TRAIP: variants seen among roughly 807,000 people sequenced by gnomAD.
TRAIP encodes TRAF interacting protein.
In TRAIP, 37 loss-of-function variants were observed where a neutral mutation model predicts 65.0. That is an observed-to-expected ratio of 0.57 (90% confidence interval 0.44 to 0.75). The LOEUF is 0.75. TRAIP is among the 30% of genes least tolerant of loss of function. The pLI is 0.00. For synonymous variants in TRAIP, 187 were observed against 219.1 expected, an observed-to-expected ratio of 0.85 and a Z score of 1.29; for missense variants, 481 against 579.4, an observed-to-expected ratio of 0.83 and a Z score of 1.74.
chr3:49,837,168 G>C (rs925964790), intron 10 of TRAIP, among the ~76,000 whole-genome samples: 1 of 152,082 alleles, frequency 6.6e-6, no homozygotes, highest in African/African-American at 2.4e-5. Flanking sequence ...TAGAGGCAGA[G>C]TCTTTGAGGT....
Position 49,848,177 on chromosome 3 carries a change from G to A in TRAIP, c.122C>T (p.Ala41Val). The A allele has an allele frequency of 6.2e-7, 1 of 1,614,224 alleles. No individual in the cohort carries two copies. Residue 41 changes from alanine (A) to valine (V), a missense_variant, in exon 2 of 15, where the codon GCA (alanine) becomes GTA (valine). Physicochemically the swap from Ala to Val is moderately conservative, Grantham distance 64. Coordinates refer to ENST00000331456, the MANE Select transcript of TRAIP (RefSeq NM_005879.3). ...LQCLIQWFET[A>V]PSRTCPQCRI... ...GCACTGTGGGCAGGTCCGACTTGGT[G>A]CTGTCTCAAACCACTGAATTAGGCT... is the stretch of plus-strand genomic sequence containing the variant.
intron 11 of TRAIP, among the ~76,000 whole-genome samples, chr3:49,830,303 C>T (rs2081721089): frequency 6.6e-6 from 1 of 152,172 alleles, no homozygotes; most frequent in Non-Finnish European, 1.5e-5. Flanking sequence ...GACCATGTCC[C>T]AATCCTGTGG....
At chr3:49,840,404 G>A in intron 8 of TRAIP, 31 bp from the exon 9 acceptor site, 1 of 1,594,904 alleles carries the variant, frequency 6.3e-7, no homozygotes, top group East Asian at 2.2e-5. Flanking sequence ...TGAAAGACAA[G>A]CCAAGTGGTA....
chr3:49,844,029 G>A (rs2081862652), intron 4 of TRAIP, 101 bp from the exon 5 acceptor site: 3 of 1,463,120 alleles, frequency 2.1e-6, no homozygotes, highest in Non-Finnish European at 2.8e-6. Flanking sequence ...TTAGGCAGGT[G>A]AGAAACAAGG....
chr3:49,837,893 T>C (rs1185986164), intron 10 of TRAIP, among the ~76,000 whole-genome samples: 2 of 147,298 alleles, frequency 1.4e-5, no homozygotes, highest in Non-Finnish European at 1.5e-5. Flanking sequence ...TTTTTTTTTT[T>C]TCCAAGAGAG....
At chr3:49,855,537 G>A (rs2081963390) in intron 1 of TRAIP, among the ~76,000 whole-genome samples, 1 of 152,220 alleles carries the variant, frequency 6.6e-6, no homozygotes, top group Admixed American at 6.5e-5. Flanking sequence ...ACGCTTAGAG[G>A]CGAGCTTAAT....
chr3:49,854,462 T>C (rs969729980), intron 1 of TRAIP, among the ~76,000 whole-genome samples: 2 of 152,220 alleles, frequency 1.3e-5, no homozygotes, highest in African/African-American at 2.4e-5. Flanking sequence ...TTGATTAACC[T>C]TGAAATTGGT....
intron 11 of TRAIP, 111 bp downstream of exon 11, chr3:49,831,805 G>C (rs1224022301): frequency 3.9e-6 from 5 of 1,292,832 alleles, no homozygotes; most frequent in Non-Finnish European, 5.1e-6. Flanking sequence ...GCCAAGCCTA[G>C]GCAACCCTCA....
intron 1 of TRAIP, among the ~76,000 whole-genome samples, chr3:49,855,741 A>G (rs1476562905): frequency 6.6e-6 from 1 of 152,102 alleles, no homozygotes; most frequent in Non-Finnish European, 1.5e-5. Flanking sequence ...ACGCTGCCTT[A>G]TCTCTTTTGC....
chr3:49,834,995 A>C (rs1042184706), intron 10 of TRAIP, among the ~76,000 whole-genome samples: 2 of 152,150 alleles, frequency 1.3e-5, no homozygotes, highest in Non-Finnish European at 1.5e-5. Context: ...TGAGGCCAGG[A>C]GTTCAATACT....
chr3:49,855,092 GTAAGC>G (rs1368357098), intron 1 of TRAIP, among the ~76,000 whole-genome samples: 4 of 152,038 alleles, frequency 2.6e-5, no homozygotes, highest in African/African-American at 9.6e-5. Flanking sequence ...GATCTTTGCA[GTAAGC>G]TAAAGTACTT....
In TRAIP at chr3:49,832,085, C is replaced by G. The variant is rs776210241; in HGVS notation, c.885-17G>C. On this transcript the variant is annotated splice_polypyrimidine_tract_variant and intron_variant, in intron 10 of 14. Transcript: ENST00000331456. ...GGGGCTGGGCTGAAGGCAGAGATGA[C>G]CTGGTTACTTGGGGCCACAGTGGTA... 3.2e-6 allele frequency: 5 copies of G among 1,564,718 alleles called. No individual in the cohort carries two copies. In the Admixed American group the frequency reaches 7.4e-5, roughly 23 times the overall value.
intron 1 of TRAIP, 147 bp downstream of exon 1, chr3:49,856,209 T>A (rs553182541): frequency 1.5e-6 from 1 of 672,972 alleles, no homozygotes; most frequent in Admixed American, 2.8e-5. Context: ...TCTGCCCAGG[T>A]TGGGAAGCTC....
At chr3:49,848,849 C>CTT (rs753819561) in intron 1 of TRAIP, among the ~76,000 whole-genome samples, 3 of 144,464 alleles carry the variant, frequency 2.1e-5, no homozygotes, top group Non-Finnish European at 1.5e-5. Flanking sequence ...GTACTCATAA[C>CTT]TTTTTTTTTT....
At chr3:49,829,275 G>A (rs781364229) in intron 14 of TRAIP, 50 bp from the exon 15 acceptor site, 2 of 1,613,940 alleles carry the variant, frequency 1.2e-6, no homozygotes, top group South Asian at 1.1e-5. Flanking sequence ...GCAATGCAGG[G>A]CGAGAAAGGA....
At position 49,856,416 on chromosome 3, in the gene TRAIP, AAGTCGG is replaced by A; in HGVS notation, c.32_37del (p.Ser11_Asp12del). On this transcript the variant is annotated inframe_deletion, in exon 1 of 15. Coordinates refer to ENST00000331456, the MANE Select transcript of TRAIP (RefSeq NM_005879.3). ...GGCCACGTCGCGGGAGTGATCGAAG[AAGTCGG>A]AGCAGATAGTGCACAGAGCACGGAT... The A allele has an allele frequency of 6.2e-7, 1 of 1,614,192 alleles. No homozygotes were observed. Among genetic ancestry groups the A allele is most frequent in the Non-Finnish European group, 8.5e-7 (1 of 1,180,016 alleles).
At chr3:49,842,009 G>T in intron 6 of TRAIP, 70 bp from the exon 7 acceptor site, 3 of 1,233,984 alleles carry the variant, frequency 2.4e-6, no homozygotes, top group Non-Finnish European at 3.6e-6. Flanking sequence ...GTGCCGCTCT[G>T]CCTTCCTTTG....
chr3:49,847,397 A>G (rs1297693500), intron 3 of TRAIP, 128 bp downstream of exon 3: 1 of 696,512 alleles, frequency 1.4e-6, no homozygotes. Context: ...AAAGAAAAGA[A>G]AAGAAAAGAA....
intron 3 of TRAIP, among the ~76,000 whole-genome samples, chr3:49,846,098 G>A (rs1220291102): frequency 1.3e-5 from 2 of 152,176 alleles, no homozygotes; most frequent in Admixed American, 1.3e-4. Flanking sequence ...AGACGTATAG[G>A]AGGGAAACTA....
Sources: gnomAD v4.1 joint callset for allele counts (sites outside exome capture counted in the v4.1 genomes callset) on GRCh38, gnomAD v4.1.1 for gene constraint, MANE v1.5 for transcripts, NCBI Gene and HGNC (gene_info 2026-07-23, HGNC 2026-07-21) for gene names.